Variants in SH3PXD2A observed in about 807,000 individuals in gnomAD.
The protein encoded by SH3PXD2A is SH3 and PX domain-containing protein 2A.
SH3PXD2A carries 32 observed loss-of-function variants against 115.2 expected under a neutral mutation model. The observed-to-expected ratio is 0.28, with a 90% CI of 0.21 to 0.37. SH3PXD2A has a LOEUF of 0.37. Among genes scored for constraint, SH3PXD2A ranks in the 10% least tolerant of loss-of-function variants. The pLI is 1.00. For synonymous variants in SH3PXD2A, 610 were observed against 629.1 expected (o/e 0.97, Z 0.45); for missense variants, 1,328 against 1,498.7 (o/e 0.89, Z 1.88).
chr10:103,611,548 A>T (rs939885373), intron 13 of SH3PXD2A, 33 bp downstream of exon 13: 2 of 1,599,180 alleles, frequency 1.3e-6, no homozygotes, highest in Non-Finnish European at 1.7e-6. Context: ...ACAGAAAAGG[A>T]AGGAAAGGGG....
intron 3 of SH3PXD2A, chr10:103,754,914 A>G (rs1589442355): frequency 6.6e-6 from 1 of 152,320 alleles, no homozygotes; most frequent in East Asian, 1.9e-4. Context: ...GAGAGCCCTA[A>G]AGACACAGTA....
chr10:103,686,176 G>C (rs541527241), intron 6 of SH3PXD2A, among the ~76,000 whole-genome samples: 1 of 152,324 alleles, frequency 6.6e-6, no homozygotes, highest in African/African-American at 2.4e-5. Flanking sequence ...GATTTCATGA[G>C]GAACATCAAC....
At chr10:103,753,139 G>T (rs1483772497) in intron 3 of SH3PXD2A, among the ~76,000 whole-genome samples, 1 of 151,788 alleles carries the variant, frequency 6.6e-6, no homozygotes, top group Admixed American at 6.6e-5. Context: ...TTAATCTCCA[G>T]ACAGTACATC....
At chr10:103,854,477 G>C (rs1842922389) in intron 1 of SH3PXD2A, among the ~76,000 whole-genome samples, 4 of 152,126 alleles carry the variant, frequency 2.6e-5, no homozygotes, top group Admixed American at 6.5e-5. Flanking sequence ...ATTAAAGTTT[G>C]GGGGAGGAAG....
Position 103,601,519 on chromosome 10 carries a change from T to G in SH3PXD2A, c.*297A>C. ...CCTGTCCCAGATGGCATGTAATCCA[T>G]TGGTGAAGTCCCTATGGTGCACAGG... On this transcript the variant is annotated 3_prime_UTR_variant, in exon 15 of 15. Coordinates refer to ENST00000369774, the MANE Select transcript of SH3PXD2A (RefSeq NM_001394015.1). 1 of 257,062 alleles carries G rather than the reference T, an allele frequency of 3.9e-6. No homozygotes were observed. Among genetic ancestry groups the G allele is most frequent in the African/African-American group, 2.2e-5 (1 of 45,644 alleles). 15.9% of individuals were successfully genotyped at this position (257,062 alleles called of 1,614,324 possible).
intron 5 of SH3PXD2A, among the ~76,000 whole-genome samples, chr10:103,719,717 C>CT (rs2038155760): frequency 6.8e-5 from 8 of 117,576 alleles, no homozygotes; most frequent in African/African-American, 1.1e-4. Context: ...TTTTTTTTTT[C>CT]TTTCTTTTTT....
At chr10:103,854,350 A>C (rs779659092) in intron 1 of SH3PXD2A, among the ~76,000 whole-genome samples, 3 of 152,182 alleles carry the variant, frequency 2.0e-5, no homozygotes, top group Non-Finnish European at 2.9e-5. Flanking sequence ...CAGAGGGGTC[A>C]AGGACACCGT....
chr10:103,651,830 C>A (rs2037128748), intron 8 of SH3PXD2A, among the ~76,000 whole-genome samples: 1 of 152,238 alleles, frequency 6.6e-6, no homozygotes, highest in African/African-American at 2.4e-5. Context: ...AATAACCCTC[C>A]TGGCAGGAGT....
intron 5 of SH3PXD2A, among the ~76,000 whole-genome samples, chr10:103,723,056 T>A (rs2038201305): frequency 6.6e-6 from 1 of 152,160 alleles, no homozygotes; most frequent in Non-Finnish European, 1.5e-5. Context: ...TACAACCTCA[T>A]GGGCACATTC....
At chr10:103,641,024 G>C (rs1378105840) in intron 8 of SH3PXD2A, among the ~76,000 whole-genome samples, 1 of 152,156 alleles carries the variant, frequency 6.6e-6, no homozygotes, top group African/African-American at 2.4e-5. Flanking sequence ...ATCAACCCAG[G>C]ATGAGGACAG....
At chr10:103,761,260 T>C (rs2038697058) in intron 3 of SH3PXD2A, among the ~76,000 whole-genome samples, 1 of 152,164 alleles carries the variant, frequency 6.6e-6, no homozygotes, top group South Asian at 2.1e-4. Context: ...GGGGAAGTGA[T>C]GTGATGGTGG....
rs2036246635 is a variant in SH3PXD2A at position 103,603,209 on chromosome 10, T to C, written c.2009A>G (p.Lys670Arg). Residue 670 changes from lysine to arginine, a missense_variant, in exon 15 of 15, where the codon AAG becomes AGG. Lys to Arg is a conservative substitution (Grantham distance 26). Transcript: ENST00000369774. ...SGSPKSSSLL[K>R]LKAEKNAQAE... ...CTGGGCATTCTTCTCTGCCTTGAGC[T>C]TTAGGAGTGATGATGACTTGGGGGA... 2.5e-6 allele frequency: 4 copies of C among 1,614,130 alleles called. No homozygotes were observed. Among genetic ancestry groups the C allele is most frequent in the Non-Finnish European group, 2.5e-6 (3 of 1,180,030 alleles).
chr10:103,783,508 A>G (rs535948455), intron 2 of SH3PXD2A, among the ~76,000 whole-genome samples: 2 of 152,256 alleles, frequency 1.3e-5, no homozygotes, highest in Admixed American at 6.5e-5. Context: ...TGGGCTGGAT[A>G]TGGGACATGA....
chr10:103,785,936 G>A (rs905445729), intron 2 of SH3PXD2A, among the ~76,000 whole-genome samples: 1 of 151,844 alleles, frequency 6.6e-6, no homozygotes, highest in African/African-American at 2.4e-5. Flanking sequence ...CGGAGGCTCA[G>A]GGAAAGGTCA....
intron 8 of SH3PXD2A, among the ~76,000 whole-genome samples, chr10:103,656,758 G>A (rs1053841400): frequency 6.6e-6 from 1 of 151,112 alleles, no homozygotes; most frequent in Non-Finnish European, 1.5e-5. Flanking sequence ...GACCCAGGAG[G>A]TGGAGGTTGC....
At chr10:103,811,002 A>G (rs1008342584) in intron 1 of SH3PXD2A, among the ~76,000 whole-genome samples, 1 of 150,624 alleles carries the variant, frequency 6.6e-6, no homozygotes, top group Admixed American at 6.6e-5. Flanking sequence ...TGGAACCACT[A>G]CTAATACCAA....
At chr10:103,696,049 C>T (rs901266131) in intron 5 of SH3PXD2A, among the ~76,000 whole-genome samples, 2 of 152,228 alleles carry the variant, frequency 1.3e-5, no homozygotes, top group Admixed American at 6.5e-5. Context: ...CTTACCACCC[C>T]TTCCTGGAGT....
Position 103,855,558 on chromosome 10 carries a change from G to T in SH3PXD2A, c.-292C>A, listed in dbSNP as rs1554930836. On this transcript the variant is annotated 5_prime_UTR_variant, in exon 1 of 15. Transcript: ENST00000369774. The stretch of plus-strand genomic sequence containing the variant: ...CGCCCGCTCGCTCTCTCCGCCGCCC[G>T]GTGGGTCCGGCGGGAACTGGCGGAG... 2 of 150,660 alleles carry T rather than the reference G, an allele frequency of 1.3e-5. No individual in the cohort carries two copies. Among genetic ancestry groups the T allele is most frequent in the Non-Finnish European group, 1.5e-5 (1 of 67,562 alleles). 9.3% of individuals were successfully genotyped at this position (150,660 alleles called of 1,614,324 possible). A position where few individuals can be genotyped will look rare whatever the true frequency, so the allele number is the denominator to read the frequency against.
At chr10:103,737,043 T>C (rs2038388769) in intron 3 of SH3PXD2A, among the ~76,000 whole-genome samples, 1 of 152,134 alleles carries the variant, frequency 6.6e-6, no homozygotes, top group East Asian at 1.9e-4. Context: ...GCCTGGCACC[T>C]CTAGTGGCCT....
Sources: allele counts gnomAD v4.1 joint callset (sites outside exome capture counted in the v4.1 genomes callset), GRCh38; gene constraint gnomAD v4.1.1; transcripts MANE v1.5; gene names NCBI Gene and HGNC (gene_info 2026-07-23, HGNC 2026-07-21).